MTCL1: variants seen among roughly 807,000 people sequenced by gnomAD.
MTCL1 encodes the protein microtubule cross-linking factor 1.
A neutral mutation model predicts 141.4 loss-of-function variants in MTCL1; 79 were observed. The observed-to-expected ratio is 0.56, with a 90% CI of 0.47 to 0.67. The LOEUF (loss-of-function observed/expected upper bound fraction) is 0.67. MTCL1 is among the 30% of genes least tolerant of loss of function. The pLI, the probability that MTCL1 is intolerant of heterozygous loss-of-function variation, is 0.00. For missense variants in MTCL1, 2,177 were observed against 2,113.9 expected (o/e 1.03, Z -0.59); for synonymous variants, 914 against 875.8 (o/e 1.04, Z -0.77).
At chr18:8,819,350 G>A in intron 13 of MTCL1, 91 bp downstream of exon 12, 3 of 1,366,702 alleles carry the variant, frequency 2.2e-6, no homozygotes, top group Non-Finnish European at 3.0e-6. Context: ...TCCTCTCCTG[G>A]CAGGCTCTAG....
chr18:8,793,001 AG>A lies in MTCL1; in HGVS notation c.1895del (p.Gly632AlafsTer12). ...CTTCCTTTATCCCACCGATCAGCTCAGGGGCCCCCCCGTTTTACCTGAGCAG... is the reference window on the plus strand; with the variant it reads ...CTTCCTTTATCCCACCGATCAGCTCAGGGCCCCCCCGTTTTACCTGAGCAG... On this transcript the variant is annotated frameshift_variant, in exon 8 of 17. Coordinates refer to ENST00000359865, the Ensembl canonical transcript of MTCL1. LOFTEE classifies it high-confidence loss of function. 4 of 1,613,676 alleles carry A rather than the reference AG, an allele frequency of 2.5e-6. No homozygotes were observed. Among genetic ancestry groups the A allele is most frequent in the Non-Finnish European group, 3.4e-6 (4 of 1,179,794 alleles).
chr18:8,755,387 C>A (rs2096392039), intron 4 of MTCL1, among the ~76,000 whole-genome samples: 2 of 152,232 alleles, frequency 1.3e-5, no homozygotes, highest in East Asian at 1.9e-4. Flanking sequence ...TGGAGTTTAA[C>A]AAGGGATTGG....
intron 3 of MTCL1, 178 bp from the exon 3 acceptor site, chr18:8,720,160 T>TTTTTTTTGAATGAATGAATGAA (rs1309128780): frequency 8.4e-5 from 51 of 607,962 alleles, no homozygotes; most frequent in Admixed American, 2.4e-4. Flanking sequence ...CAGATGTTGA[T>TTTTTTTTGAATGAATGAATGAA]TTCATTTTTA....
chr18:8,819,239 T>C (rs1405442140), exon 13 of MTCL1: 1 of 1,613,762 alleles, frequency 6.2e-7, no homozygotes, highest in African/African-American at 1.3e-5. Flanking sequence ...CGAGAGGGAG[T>C]TCAGGAACCG....
intron 10 of MTCL1, among the ~76,000 whole-genome samples, 153 bp from the exon 10 acceptor site, chr18:8,806,740 G>C (rs755014322): frequency 6.6e-6 from 1 of 151,998 alleles, no homozygotes; most frequent in African/African-American, 2.4e-5. Context: ...TTTGCTCCCC[G>C]GCTAACTGCA....
At chr18:8,811,607 G>A (rs992563297) in intron 11 of MTCL1, among the ~76,000 whole-genome samples, 5 of 152,068 alleles carry the variant, frequency 3.3e-5, no homozygotes, top group South Asian at 4.2e-4. Context: ...AATTATTTTA[G>A]TGGGTCTTGA....
intron 4 of MTCL1, among the ~76,000 whole-genome samples, chr18:8,737,850 T>C (rs1474627015): frequency 6.6e-6 from 1 of 152,122 alleles, no homozygotes; most frequent in Non-Finnish European, 1.5e-5. Flanking sequence ...ATGACTCCAG[T>C]TGGCCGGTGG....
chr18:8,830,600 A>G lies in MTCL1; in HGVS notation c.*19-1007A>G. On this transcript the variant is annotated intron_variant, in intron 16 of 16. Coordinates refer to ENST00000359865, the Ensembl canonical transcript of MTCL1. The surrounding 1 kb of genome is among the most constrained non-coding windows in gnomAD (Gnocchi z 6.4). Reference sequence around the variant, plus strand: ...TTTCAGTTGCTTGTCACATCTTTTTAAATCCTCCAACTCACTTCCTTTCTT... The same window carrying G: ...TTTCAGTTGCTTGTCACATCTTTTTGAATCCTCCAACTCACTTCCTTTCTT... 1 of 985,824 alleles carries G rather than the reference A, an allele frequency of 1.0e-6. No individual in the cohort carries two copies. Among genetic ancestry groups the G allele is most frequent in the Non-Finnish European group, 1.2e-6 (1 of 830,302 alleles). The allele number at this position is 985,824 out of a possible 1,614,324, so 61.1% of individuals were successfully genotyped here.
intron 2 of MTCL1, chr18:8,717,976 C>T: frequency 4.0e-6 from 4 of 1,007,796 alleles, no homozygotes; most frequent in Non-Finnish European, 4.7e-6. Flanking sequence ...TGTTTTAGTT[C>T]CAGGGCAATT....
At chr18:8,747,504 A>AACCT in intron 4 of MTCL1, among the ~76,000 whole-genome samples, 1 of 152,324 alleles carries the variant, frequency 6.6e-6, no homozygotes, top group East Asian at 1.9e-4. Context: ...GTCATCACAC[A>AACCT]ACCTCTTCCC....
chr18:8,826,211 A>G, exon 15 of MTCL1: 1 of 1,604,466 alleles, frequency 6.2e-7, no homozygotes, highest in East Asian at 2.2e-5. Context: ...TGGGGGACAC[A>G]GCCGAGCCAG....
At position 8,830,570 on chromosome 18, in the gene MTCL1, G is replaced by C; in HGVS notation, c.*19-1037G>C. The C allele has an allele frequency of 2.0e-6, 2 of 986,066 alleles. No individual in the cohort carries two copies. The highest frequency in any genetic ancestry group is 1.1e-4 in the East Asian group (1 of 8,836). 61.1% of individuals were successfully genotyped at this position (986,066 alleles called of 1,614,324 possible). ...CCACTGGCTGGGCTGTCCTCATCCT[G>C]GTCTTTTCAGTTGCTTGTCACATCT... is the stretch of plus-strand genomic sequence containing the variant. On this transcript the variant is annotated intron_variant, in intron 16 of 16. Coordinates refer to ENST00000359865, the Ensembl canonical transcript of MTCL1. The surrounding 1 kb of genome is among the most constrained non-coding windows in gnomAD (Gnocchi z 6.4).
At chr18:8,781,108 C>T (rs1319018557) in intron 5 of MTCL1, among the ~76,000 whole-genome samples, 1 of 134,902 alleles carries the variant, frequency 7.4e-6, no homozygotes, top group East Asian at 2.4e-4. Context: ...TAGGAGGCAG[C>T]GGTTACAGTG....
At chr18:8,717,498 G>A (rs1216957774) in intron 1 of MTCL1, 1 of 152,724 alleles carries the variant, frequency 6.5e-6, no homozygotes, top group Non-Finnish European at 1.5e-5. Context: ...TGGAAAGAAG[G>A]AAGCCCCTGG....
At chr18:8,706,934 T>C in intron 1 of MTCL1, 3 of 691,914 alleles carry the variant, frequency 4.3e-6, no homozygotes, top group Non-Finnish European at 6.7e-6. Flanking sequence ...CCACTTCTCT[T>C]TTCTCGCGTC....
intron 4 of MTCL1, among the ~76,000 whole-genome samples, chr18:8,765,404 C>T (rs761730707): frequency 6.6e-5 from 10 of 152,354 alleles, no homozygotes; most frequent in Non-Finnish European, 1.3e-4. Flanking sequence ...ATGCCAAGTC[C>T]CTGCACTGTT....
At position 8,708,761 on chromosome 18, in the gene MTCL1, G is replaced by A. The variant is rs147190872; in HGVS notation, c.1053+2048G>A. Reference sequence around the variant, plus strand: ...TCTCTCCACTAGCCTGTGTACGAATGGTCACATAAATCCCACTGCCAGTGT... The same window carrying A: ...TCTCTCCACTAGCCTGTGTACGAATAGTCACATAAATCCCACTGCCAGTGT... On this transcript the variant is annotated intron_variant, in intron 1 of 13. Transcript: ENST00000306329. 8.5e-3 allele frequency among the ~76,000 whole-genome samples: 1,290 copies of A among 152,304 alleles called. 17 individuals are homozygous for A. The highest frequency in any genetic ancestry group is 0.029 in the African/African-American group (1,198 of 41,562).
At chr18:8,823,727 C>CGG (rs2144441951) in intron 14 of MTCL1, among the ~76,000 whole-genome samples, 1 of 152,220 alleles carries the variant, frequency 6.6e-6, no homozygotes, top group East Asian at 1.9e-4. Context: ...ACCACATGGA[C>CGG]GGGTGCCTTG....
intron 5 of MTCL1, among the ~76,000 whole-genome samples, chr18:8,781,331 G>A (rs1465119229): frequency 3.9e-5 from 6 of 152,046 alleles, no homozygotes; most frequent in Non-Finnish European, 5.9e-5. Context: ...CCCCAGCAGC[G>A]ATGATAGCAT....
Sources: gnomAD v4.1 joint callset for allele counts (sites outside exome capture counted in the v4.1 genomes callset) on GRCh38, gnomAD v4.1.1 for gene constraint, Gnocchi (gnomAD v3.1) non-coding constraint, MANE v1.5 for transcripts, NCBI Gene and HGNC (gene_info 2026-07-23, HGNC 2026-07-21) for gene names.